CSMD1: variants seen among roughly 807,000 people sequenced by gnomAD.
CSMD1 encodes CUB and Sushi multiple domains 1, also known as CUB and sushi domain-containing protein 1.
In CSMD1, 213 loss-of-function variants were observed where a neutral mutation model predicts 417.5. The ratio of observed to expected loss-of-function variants is 0.51; its 90% CI spans 0.46 to 0.57. CSMD1 has a LOEUF of 0.57. Among genes scored for constraint, CSMD1 ranks in the 20% least tolerant of loss-of-function variants. The pLI is 0.00. For synonymous variants in CSMD1, 2,862 were observed against 1,736.8 expected (o/e 1.65, Z -16.11); for missense variants, 6,923 against 4,529.7 (o/e 1.53, Z -15.17).
At chr8:4,355,244 A>C (rs1405588123) in intron 3 of CSMD1, among the ~76,000 whole-genome samples, 2 of 151,930 alleles carry the variant, frequency 1.3e-5, no homozygotes, top group Admixed American at 6.6e-5. Context: ...CCTGGGTAAG[A>C]AACTCCATTT....
intron 3 of CSMD1, among the ~76,000 whole-genome samples, chr8:4,059,771 T>C (rs905822834): frequency 7.7e-4 from 117 of 151,914 alleles, no homozygotes; most frequent in African/African-American, 2.7e-3. Context: ...AATAGACCAA[T>C]AACAGGAGCT....
chr8:4,375,155 T>G (rs555861855), intron 3 of CSMD1, among the ~76,000 whole-genome samples: 3 of 152,076 alleles, frequency 2.0e-5, no homozygotes, highest in Non-Finnish European at 4.4e-5. Flanking sequence ...AAATACAGTG[T>G]TAGGGTAAAA....
chr8:4,588,416 A>G (rs915798795), intron 2 of CSMD1, among the ~76,000 whole-genome samples: 8 of 114,434 alleles, frequency 7.0e-5, no homozygotes, highest in Admixed American at 6.4e-4. Flanking sequence ...ATAAAGAACT[A>G]TCTCTTCCTC....
intron 2 of CSMD1, among the ~76,000 whole-genome samples, chr8:4,445,876 G>A (rs17070316): frequency 0.1 from 15,318 of 152,256 alleles, 1,167 homozygotes; most frequent in East Asian, 0.38. Context: ...CGCTGGAGAA[G>A]GGCACAAGAG....
chr8:4,195,680 T>A (rs1313213000), intron 3 of CSMD1, among the ~76,000 whole-genome samples: 1 of 152,110 alleles, frequency 6.6e-6, no homozygotes, highest in African/African-American at 2.4e-5. Context: ...AGAGGCTGTG[T>A]TGAAGAATTC....
chr8:4,048,480 T>C (rs1484779663), intron 3 of CSMD1, among the ~76,000 whole-genome samples: 1 of 152,166 alleles, frequency 6.6e-6, no homozygotes, highest in Admixed American at 6.6e-5. Context: ...ATTATCCCCA[T>C]TTTAAAGATG....
At chr8:4,481,570 T>C (rs771262705) in intron 2 of CSMD1, among the ~76,000 whole-genome samples, 5 of 152,178 alleles carry the variant, frequency 3.3e-5, no homozygotes, top group African/African-American at 4.8e-5. Flanking sequence ...CGGACTAAGC[T>C]AATATTTTTC....
chr8:2,978,344 T>C (rs1318046522), intron 55 of CSMD1, among the ~76,000 whole-genome samples: 4 of 152,120 alleles, frequency 2.6e-5, no homozygotes, highest in Non-Finnish European at 5.9e-5. Context: ...GAAAAACAGA[T>C]AAAGGCATCA....
chr8:4,144,468 C>T (rs1158172793), intron 3 of CSMD1, among the ~76,000 whole-genome samples: 2 of 151,120 alleles, frequency 1.3e-5, no homozygotes, highest in Non-Finnish European at 2.9e-5. Flanking sequence ...TGAGCATATC[C>T]CATTCTGCAA....
At chr8:3,369,658 G>C (rs570308528) in intron 18 of CSMD1, among the ~76,000 whole-genome samples, 1 of 152,276 alleles carries the variant, frequency 6.6e-6, no homozygotes, top group Admixed American at 6.5e-5. Flanking sequence ...ACATGGTACA[G>C]GTTTGCACTC....
At chr8:4,461,353 T>C (rs934941802) in intron 2 of CSMD1, among the ~76,000 whole-genome samples, 1 of 151,830 alleles carries the variant, frequency 6.6e-6, no homozygotes, top group Non-Finnish European at 1.5e-5. Context: ...TACTGGAGGT[T>C]TTAGCTAGGG....
At chr8:3,293,440 C>A (rs1162488740) in intron 25 of CSMD1, among the ~76,000 whole-genome samples, 1 of 152,216 alleles carries the variant, frequency 6.6e-6, no homozygotes, top group Admixed American at 6.5e-5. Flanking sequence ...TGGTTCCATT[C>A]TCCCTGTCAC....
At chr8:3,851,246 G>C (rs767585424) in intron 5 of CSMD1, among the ~76,000 whole-genome samples, 5 of 152,178 alleles carry the variant, frequency 3.3e-5, no homozygotes, top group Non-Finnish European at 7.3e-5. Flanking sequence ...TTTGCATCTA[G>C]ACAAGGGTGC....
intron 7 of CSMD1, among the ~76,000 whole-genome samples, chr8:3,634,910 G>C (rs1473283249): frequency 6.6e-6 from 1 of 152,104 alleles, no homozygotes; most frequent in Non-Finnish European, 1.5e-5. Context: ...GGGTACAGCC[G>C]CTTGCTCCTA....
At chr8:4,597,108 C>T (rs1009637052) in intron 2 of CSMD1, among the ~76,000 whole-genome samples, 2 of 74,012 alleles carry the variant, frequency 2.7e-5, no homozygotes, top group Non-Finnish European at 4.4e-5. Flanking sequence ...ATACAACACA[C>T]AATTTTTTTT....
chr8:4,514,503 A>G (rs1002164617), intron 2 of CSMD1, among the ~76,000 whole-genome samples: 1 of 152,202 alleles, frequency 6.6e-6, no homozygotes, highest in African/African-American at 2.4e-5. Context: ...ATGGGAATCA[A>G]CGAAGAGGGA....
Position 4,031,901 on chromosome 8 carries a change from G to T in CSMD1, c.610+4C>A. The T allele has an allele frequency of 6.2e-7, 1 of 1,611,770 alleles. No homozygotes were observed. Among genetic ancestry groups the T allele is most frequent in the Non-Finnish European group, 8.5e-7 (1 of 1,178,702 alleles). ...TGCTCACCAGCCCCCTTGTAGCACTGTACCTCTGCAAAAGGGAGCTGGGAA... is the reference window on the plus strand; with the variant it reads ...TGCTCACCAGCCCCCTTGTAGCACTTTACCTCTGCAAAAGGGAGCTGGGAA... On this transcript the variant is annotated splice_donor_region_variant and intron_variant, in intron 4 of 69. Coordinates refer to ENST00000635120, the MANE Select transcript of CSMD1 (RefSeq NM_033225.6).
intron 3 of CSMD1, among the ~76,000 whole-genome samples, chr8:4,407,743 C>T (rs930241831): frequency 1.3e-5 from 2 of 152,136 alleles, no homozygotes; most frequent in African/African-American, 2.4e-5. Context: ...TGCATGTAAG[C>T]ATTCCTTTAA....
chr8:3,037,543 T>C (rs1334797021), intron 50 of CSMD1, among the ~76,000 whole-genome samples: 3 of 152,154 alleles, frequency 2.0e-5, no homozygotes, highest in African/African-American at 7.2e-5. Flanking sequence ...TTGCAAACTG[T>C]GCTGCTATAA....
Sources: gnomAD v4.1 joint callset for allele counts (sites outside exome capture counted in the v4.1 genomes callset) on GRCh38, gnomAD v4.1.1 for gene constraint, MANE v1.5 for transcripts, NCBI Gene and HGNC (gene_info 2026-07-23, HGNC 2026-07-21) for gene names.